SYN3: variants seen among roughly 807,000 people sequenced by gnomAD.
The protein encoded by SYN3 is synapsin III, also known as synapsin-3.
In SYN3, 35 loss-of-function variants were observed where a neutral mutation model predicts 65.8. The observed-to-expected ratio is 0.53, with a 90% CI of 0.41 to 0.70. SYN3 has a LOEUF of 0.70. SYN3 is among the 30% of genes least tolerant of loss of function. SYN3 has a pLI of 0.00. For synonymous variants in SYN3, 270 were observed against 292.9 expected, an observed-to-expected ratio of 0.92 and a Z score of 0.80; for missense variants, 680 against 749.0, an observed-to-expected ratio of 0.91 and a Z score of 1.08.
chr22:33,019,394 A>G (rs2053524734), intron 1 of SYN3, among the ~76,000 whole-genome samples: 2 of 152,190 alleles, frequency 1.3e-5, no homozygotes. Context: ...TCAAAGGCAG[A>G]CAGACTCTGG....
rs571104966 is a variant in SYN3 at position 32,530,721 on chromosome 22, C to T, written c.1096-1713G>A. ...AAAAGCTAGCTTAAGAATGTGAATA[C>T]TGGCTGGGCGCGGTGGCTCACGCCT... is the stretch of plus-strand genomic sequence containing the variant. On this transcript the variant is annotated intron_variant, in intron 10 of 13. Coordinates refer to ENST00000358763, the MANE Select transcript of SYN3 (RefSeq NM_003490.4). 1.6e-4 allele frequency among the ~76,000 whole-genome samples: 25 copies of T among 152,048 alleles called. No homozygotes were observed. In the South Asian group the frequency reaches 4.8e-3, roughly 29 times the overall value.
At chr22:32,728,436 C>G (rs2061226338) in intron 6 of SYN3, among the ~76,000 whole-genome samples, 1 of 152,228 alleles carries the variant, frequency 6.6e-6, no homozygotes, top group African/African-American at 2.4e-5. Context: ...TCTTGCTCCT[C>G]TTTTTAGCTG....
intron 6 of SYN3, among the ~76,000 whole-genome samples, chr22:32,637,943 T>C (rs927908924): frequency 6.6e-6 from 1 of 152,158 alleles, no homozygotes; most frequent in Admixed American, 6.5e-5. Flanking sequence ...CCAGCAACAG[T>C]TAGCTTTTCA....
chr22:32,791,956 T>C (rs737088), intron 6 of SYN3, among the ~76,000 whole-genome samples: 18,553 of 152,138 alleles, frequency 0.12, 1,162 homozygotes, highest in Middle Eastern at 0.18. Context: ...TATAAGCACA[T>C]GCTCTTTCTT....
At chr22:32,539,236 G>T (rs1013401941) in intron 8 of SYN3, among the ~76,000 whole-genome samples, 3 of 152,154 alleles carry the variant, frequency 2.0e-5, no homozygotes, top group African/African-American at 7.2e-5. Context: ...GCACTGCACC[G>T]TAGTTGGCAA....
intron 6 of SYN3, among the ~76,000 whole-genome samples, chr22:32,608,954 T>C (rs538528177): frequency 3.3e-4 from 50 of 152,326 alleles, no homozygotes; most frequent in Middle Eastern, 6.8e-3. Flanking sequence ...TTGCTCTTTT[T>C]TTCTTCTTCT....
chr22:32,875,208 C>A (rs2048951679), intron 4 of SYN3, among the ~76,000 whole-genome samples: 2 of 152,202 alleles, frequency 1.3e-5, no homozygotes, highest in African/African-American at 4.8e-5. Context: ...GCCCCCATGG[C>A]AGCTGCCAGA....
rs1336813370 is a variant in SYN3, at chr22:32,804,321, C to T, written c.711+60594G>A. 2.6e-5 allele frequency among the ~76,000 whole-genome samples: 4 copies of T among 152,160 alleles called. No individual in the cohort carries two copies. In the East Asian group the frequency reaches 5.8e-4, roughly 22 times the overall value. ...CTCGCCTTGCACAGCACCCTGCTGGCGTCCAGTACTTGGCTCCCAAGTTTC... is the reference window on the plus strand; with the variant it reads ...CTCGCCTTGCACAGCACCCTGCTGGTGTCCAGTACTTGGCTCCCAAGTTTC... On this transcript the variant is annotated intron_variant, in intron 6 of 13. Coordinates refer to ENST00000358763, the MANE Select transcript of SYN3 (RefSeq NM_003490.4).
chr22:32,877,979 T>C (rs1352207800), intron 4 of SYN3, among the ~76,000 whole-genome samples: 2 of 152,206 alleles, frequency 1.3e-5, no homozygotes, highest in Non-Finnish European at 2.9e-5. Context: ...TTTATCCTCA[T>C]GATAACTCTA....
intron 1 of SYN3, among the ~76,000 whole-genome samples, chr22:33,046,080 C>T (rs1002069914): frequency 2.3e-4 from 35 of 150,798 alleles, no homozygotes; most frequent in African/African-American, 8.3e-4. Context: ...GGTAAATATA[C>T]ACTTGAAAAG....
At chr22:32,909,969 T>G (rs1227902723) in intron 4 of SYN3, among the ~76,000 whole-genome samples, 1 of 152,180 alleles carries the variant, frequency 6.6e-6, no homozygotes, top group Non-Finnish European at 1.5e-5. Context: ...CGCGTTGGAA[T>G]GAGGGGCTCT....
At chr22:32,791,608 G>C (rs893215225) in intron 6 of SYN3, among the ~76,000 whole-genome samples, 3 of 151,282 alleles carry the variant, frequency 2.0e-5, no homozygotes, top group Admixed American at 1.3e-4. Flanking sequence ...CCTTCTGCTT[G>C]AAGAGGCAGA....
chr22:32,673,434 T>C (rs2060399347), intron 6 of SYN3, among the ~76,000 whole-genome samples: 1 of 152,232 alleles, frequency 6.6e-6, no homozygotes, highest in Non-Finnish European at 1.5e-5. Context: ...TCATTGCTCA[T>C]GGATGAAACG....
intron 6 of SYN3, among the ~76,000 whole-genome samples, chr22:32,827,885 A>T (rs1053557212): frequency 2.0e-5 from 3 of 152,022 alleles, no homozygotes; most frequent in African/African-American, 7.2e-5. Flanking sequence ...CCAGATACTC[A>T]CTGGCTGGCC....
At chr22:32,956,148 C>G (rs767541745) in intron 3 of SYN3, among the ~76,000 whole-genome samples, 7,574 of 146,752 alleles carry the variant, frequency 0.052, 252 homozygotes, top group Middle Eastern at 0.088. Context: ...CCCCTCCCAG[C>G]CCCTACTAAC....
intron 6 of SYN3, among the ~76,000 whole-genome samples, chr22:32,803,803 C>T (rs2038688497): frequency 6.6e-6 from 1 of 152,168 alleles, no homozygotes. Context: ...CAGCCCAAGT[C>T]CTTTTCTGCT....
At chr22:33,031,338 A>G (rs1350518025) in intron 1 of SYN3, among the ~76,000 whole-genome samples, 1 of 152,132 alleles carries the variant, frequency 6.6e-6, no homozygotes, top group African/African-American at 2.4e-5. Context: ...TGTTCAAACT[A>G]AAAATGTAGG....
In SYN3 at chr22:32,573,218, T is replaced by C. The variant is rs189570685; in HGVS notation, c.774+23456A>G. Among the ~76,000 whole-genome samples the C allele has an allele frequency of 5.5e-3, 842 of 152,324 alleles. 4 individuals carry two copies. Among genetic ancestry groups the C allele is most frequent in the Non-Finnish European group, 6.3e-3 (432 of 68,034 alleles). Reference sequence around the variant, plus strand: ...GTATTCCAGGTAAGGATATGACATGTTGCACAAATGGCTTGATTGTCATTT... The same window carrying C: ...GTATTCCAGGTAAGGATATGACATGCTGCACAAATGGCTTGATTGTCATTT... On this transcript the variant is annotated intron_variant, in intron 7 of 13. Coordinates refer to ENST00000358763, the MANE Select transcript of SYN3 (RefSeq NM_003490.4).
At chr22:32,940,977 G>C (rs147662024) in intron 3 of SYN3, among the ~76,000 whole-genome samples, 8 of 152,280 alleles carry the variant, frequency 5.3e-5, no homozygotes, top group African/African-American at 1.9e-4. Context: ...TGAATAAACT[G>C]ATTAGATGTT....
Sources: gnomAD v4.1 joint callset for allele counts (sites outside exome capture counted in the v4.1 genomes callset) on GRCh38, gnomAD v4.1.1 for gene constraint, MANE v1.5 for transcripts, NCBI Gene and HGNC (gene_info 2026-07-23, HGNC 2026-07-21) for gene names.